The following ITSN2 variants were observed in gnomAD, a reference collection of about 807,000 sequenced individuals.
The protein encoded by ITSN2 is intersectin 2, also known as intersectin-2.
A neutral mutation model predicts 243.7 loss-of-function variants in ITSN2; 156 were observed. That is an observed-to-expected ratio of 0.64 (90% CI 0.56 to 0.73). The LOEUF (loss-of-function observed/expected upper bound fraction) is 0.73, where lower values mean the gene tolerates loss of function less well. Among genes scored for constraint, ITSN2 ranks in the 30% least tolerant of loss-of-function variants. ITSN2 has a pLI of 0.00. For missense variants in ITSN2, 1,801 were observed against 1,996.1 expected, an observed-to-expected ratio of 0.90 and a Z score of 1.86; for synonymous variants, 703 against 699.9, an observed-to-expected ratio of 1.00 and a Z score of -0.07.
chr2:24,228,310 C>T lies in ITSN2; in HGVS notation c.3578-7244G>A, dbSNP rs1671240885. ...TTCAGACAAAGTCTGAGCGCATTTACCACTAATAGACATGACTGGAAAAAC... is the reference window on the plus strand; with the variant it reads ...TTCAGACAAAGTCTGAGCGCATTTATCACTAATAGACATGACTGGAAAAAC... On this transcript the variant is annotated intron_variant, in intron 29 of 39. Coordinates refer to ENST00000355123, the MANE Select transcript of ITSN2 (RefSeq NM_006277.3). 2.0e-5 allele frequency among the ~76,000 whole-genome samples: 3 copies of T among 151,992 alleles called. No individual in the cohort carries two copies. The South Asian group carries it at 6.2e-4, about 31-fold the overall frequency.
chr2:24,224,622 T>C (rs2543668), intron 29 of ITSN2, among the ~76,000 whole-genome samples: 148,770 of 152,130 alleles, frequency 0.98, 72,739 homozygotes, highest in East Asian at 0.99. Context: ...CATTTCATCA[T>C]GACGGCTCTT....
Position 24,270,707 on chromosome 2 carries a change from A to G in ITSN2, c.2319T>C (p.His773=), listed in dbSNP as rs138970950. The G allele has an allele frequency of 3.5e-5, 56 of 1,602,794 alleles. No homozygotes were observed. The highest frequency in any genetic ancestry group is 4.4e-5 in the Non-Finnish European group (52 of 1,171,514). Residue 773 remains histidine (H), a synonymous_variant, in exon 20 of 40, where the codon CAT becomes CAC. Transcript: ENST00000355123. ...RALYPFEARN[H]DEMSFNSGDI... Reference sequence around the variant, plus strand: ...CTCCAGAATTAAAACTCATCTCATCATGGTTCCTTGCTTCAAAGGGGTATA... The same window carrying G: ...CTCCAGAATTAAAACTCATCTCATCGTGGTTCCTTGCTTCAAAGGGGTATA...
intron 1 of ITSN2, chr2:24,335,166 T>A: frequency 5.0e-6 from 1 of 201,572 alleles, no homozygotes; most frequent in Non-Finnish European, 1.1e-5. Context: ...TCATCTTTTC[T>A]TTTATTATAA....
Position 24,261,627 on chromosome 2 carries a change from G to C in ITSN2, c.2471C>G (p.Ala824Gly). The change falls in exon 21 of 40, where the codon GCT becomes GGT. Residue 824 changes from alanine (A) to glycine (G), a missense_variant. By Grantham distance (60) the Ala-to-Gly change is moderately conservative. Coordinates refer to ENST00000355123, the MANE Select transcript of ITSN2 (RefSeq NM_006277.3). ...EKMPSSENEK[A>G]VSPKKALLPP... ...AAGTAAGGCCTTCTTTGGAGATACA[G>C]CTTTTTCATTTTCACTTGATGGCAT... 6.2e-7 allele frequency: 1 copy of C among 1,613,548 alleles called. No homozygotes were observed. The highest frequency in any genetic ancestry group is 1.3e-5 in the African/African-American group (1 of 75,026).
rs1322851920 is a variant in ITSN2 at position 24,356,156 on chromosome 2, C to T, written c.-34+4148G>A. Among the ~76,000 whole-genome samples, 7 of 150,444 alleles carry T rather than the reference C, an allele frequency of 4.7e-5. No homozygotes were observed. The South Asian group carries it at 8.4e-4, about 18-fold the overall frequency. The stretch of plus-strand genomic sequence containing the variant: ...GGCTGAGGTTGCAGTGAGCCAAGAT[C>T]GCACCATTGCACTCCAGCCTGGGGG... On this transcript the variant is annotated intron_variant, in intron 1 of 39. Transcript: ENST00000355123.
intron 13 of ITSN2, among the ~76,000 whole-genome samples, chr2:24,296,592 T>A (rs1001259195): frequency 6.6e-6 from 1 of 151,942 alleles, no homozygotes; most frequent in Non-Finnish European, 1.5e-5. Flanking sequence ...AAACACCATA[T>A]AAGGACACAA....
At chr2:24,332,310 T>C (rs999701461) in intron 1 of ITSN2, among the ~76,000 whole-genome samples, 4 of 151,998 alleles carry the variant, frequency 2.6e-5, no homozygotes, top group Non-Finnish European at 4.4e-5. Context: ...ATACCATGAT[T>C]GTTTACGGAA....
chr2:24,350,872 A>G (rs1290426746), intron 1 of ITSN2, among the ~76,000 whole-genome samples: 1 of 152,194 alleles, frequency 6.6e-6, no homozygotes, highest in Non-Finnish European at 1.5e-5. Flanking sequence ...AGTGACTGCC[A>G]TTGGGTATAG....
chr2:24,270,769 C>T lies in ITSN2; in HGVS notation c.2258-1G>A, dbSNP rs1436661802. The stretch of plus-strand genomic sequence containing the variant: ...TTCACCAAAACACTAGCTGTCTCAC[C>T]TAAAGAGAAGACAATTGTCATTATT... On this transcript the variant is annotated splice_acceptor_variant, in intron 19 of 39. Transcript: ENST00000355123. LOFTEE classifies it high-confidence loss of function. 1 of 1,520,962 alleles carries T rather than the reference C, an allele frequency of 6.6e-7. No homozygotes were observed. 94.2% of individuals were successfully genotyped at this position (1,520,962 alleles called of 1,614,324 possible).
intron 37 of ITSN2, 67 bp downstream of exon 37, chr2:24,208,170 C>T (rs1669102462): frequency 1.5e-6 from 2 of 1,304,318 alleles, no homozygotes; most frequent in African/African-American, 1.4e-5. Flanking sequence ...AGCCTGACTG[C>T]AGGAGCAGTG....
At chr2:24,351,078 A>G (rs1036602455) in intron 1 of ITSN2, among the ~76,000 whole-genome samples, 1 of 152,126 alleles carries the variant, frequency 6.6e-6, no homozygotes, top group Non-Finnish European at 1.5e-5. Context: ...TCTTCCGCCT[A>G]CCCTACCAGG....
At chr2:24,334,553 G>C in intron 1 of ITSN2, 1 of 899,610 alleles carries the variant, frequency 1.1e-6, no homozygotes, top group South Asian at 1.3e-5. Context: ...TCTGTAAGAA[G>C]TGTGGCAAGC....
At chr2:24,354,549 A>C (rs1688282404) in intron 1 of ITSN2, among the ~76,000 whole-genome samples, 1 of 152,356 alleles carries the variant, frequency 6.6e-6, no homozygotes, top group African/African-American at 2.4e-5. Context: ...TAAGCACTTT[A>C]TATTACATAT....
chr2:24,304,971 C>T lies in ITSN2; in HGVS notation c.794-1109G>A, dbSNP rs565168421. Among the ~76,000 whole-genome samples, 7 of 152,266 alleles carry T rather than the reference C, an allele frequency of 4.6e-5. No individual in the cohort carries two copies. In the South Asian group the frequency reaches 1.2e-3, roughly 27 times the overall value. On this transcript the variant is annotated intron_variant, in intron 8 of 39. Transcript: ENST00000355123. ...ATATCCTCTGCTTAGAATGCCAGACCCTCAATTCTTTACTTTGTAGTCTAT... is the reference window on the plus strand; with the variant it reads ...ATATCCTCTGCTTAGAATGCCAGACTCTCAATTCTTTACTTTGTAGTCTAT...
intron 37 of ITSN2, among the ~76,000 whole-genome samples, chr2:24,206,577 G>C (rs1355571267): frequency 6.6e-6 from 1 of 151,960 alleles, no homozygotes; most frequent in African/African-American, 2.4e-5. Context: ...GGCAGGGTGG[G>C]GTGGGGGGTG....
At chr2:24,210,710 G>A in intron 34 of ITSN2, 70 bp downstream of exon 34, 1 of 1,479,388 alleles carries the variant, frequency 6.8e-7, no homozygotes, top group Non-Finnish European at 9.2e-7. Context: ...TCCACGTGAG[G>A]GAAGGCTCGG....
At chr2:24,275,447 A>G (rs1677891236) in intron 18 of ITSN2, among the ~76,000 whole-genome samples, 2 of 152,234 alleles carry the variant, frequency 1.3e-5, no homozygotes, top group Admixed American at 6.5e-5. Context: ...GAAAGATAAA[A>G]ATAACTTAAC....
chr2:24,333,777 A>G (rs919545146), intron 1 of ITSN2, among the ~76,000 whole-genome samples: 4 of 152,238 alleles, frequency 2.6e-5, no homozygotes, highest in African/African-American at 9.7e-5. Flanking sequence ...GACAGAAAAA[A>G]GTAGAAATGC....
Position 24,343,679 on chromosome 2 carries a change from C to T in ITSN2, c.-33-15564G>A, listed in dbSNP as rs150999037. On this transcript the variant is annotated intron_variant, in intron 1 of 39. Transcript: ENST00000355123. ...ACCAAACAGCCTAAATTGGACTTTA[C>T]CTATAAAGTCTCTCAATACAGGCTG... Among the ~76,000 whole-genome samples the T allele has an allele frequency of 1.9e-3, 288 of 152,182 alleles. 1 individual carries two copies. The highest frequency in any genetic ancestry group is 6.8e-3 in the African/African-American group (282 of 41,478).
Sources: allele counts gnomAD v4.1 joint callset (sites outside exome capture counted in the v4.1 genomes callset), GRCh38; gene constraint gnomAD v4.1.1; transcripts MANE v1.5; gene names NCBI Gene and HGNC (gene_info 2026-07-23, HGNC 2026-07-21).